The following SLC19A1 variants were observed in gnomAD, a reference collection of about 807,000 sequenced individuals.
SLC19A1 encodes solute carrier family 19 member 1.
Under a neutral mutation model 35.3 loss-of-function variants are expected in SLC19A1, and 37 were observed. The ratio of observed to expected loss-of-function variants is 1.05; its 90% CI spans 0.81 to 1.38. SLC19A1 has a LOEUF of 1.38. Ranked by LOEUF, SLC19A1 falls within the 40% of genes most tolerant of loss-of-function variation. The pLI is 0.00. For missense variants in SLC19A1, 831 were observed against 826.9 expected, an observed-to-expected ratio of 1.00 and a Z score of -0.06; for synonymous variants, 460 against 398.5, an observed-to-expected ratio of 1.15 and a Z score of -1.84.
chr21:45,504,412 A>G (rs756833399), intron 3 of SLC19A1: 1 of 1,610,992 alleles, frequency 6.2e-7, no homozygotes, highest in Non-Finnish European at 8.5e-7. Flanking sequence ...GTTTCCGTCC[A>G]CAGGGGGAGA....
At chr21:45,536,808 A>G (rs2078127746) in intron 2 of SLC19A1, among the ~76,000 whole-genome samples, 1 of 152,116 alleles carries the variant, frequency 6.6e-6, no homozygotes, top group Admixed American at 6.5e-5. Flanking sequence ...GAGCAGGCCC[A>G]GGGCCCTGGG....
At chr21:45,545,937 C>G (rs2078410250), upstream of SLC19A1, among the ~76,000 whole-genome samples, 1 of 152,232 alleles carries the variant, frequency 6.6e-6, no homozygotes, top group Admixed American at 6.5e-5. Flanking sequence ...CAGTGGGTCT[C>G]TGCTGCAGCT....
At chr21:45,505,940 G>T in intron 3 of SLC19A1, 2 of 1,613,250 alleles carry the variant, frequency 1.2e-6, no homozygotes, top group Non-Finnish European at 1.7e-6. Flanking sequence ...CTACGTCCGC[G>T]TGCAGAACGG....
intron 1 of SLC19A1, among the ~76,000 whole-genome samples, chr21:45,538,928 A>G (rs2078219996): frequency 6.6e-6 from 1 of 152,162 alleles, no homozygotes; most frequent in East Asian, 1.9e-4. Context: ...CAGCAGCAGC[A>G]CGAAGCACAC....
intron 1 of SLC19A1, among the ~76,000 whole-genome samples, chr21:45,553,629 C>CA (rs1189399153): frequency 2.1e-5 from 2 of 96,730 alleles, no homozygotes; most frequent in East Asian, 2.6e-4. Context: ...CCCAATCCCC[C>CA]CGCGCCCCCC....
chr21:45,521,763 G>A (rs1303585846), intron 5 of SLC19A1, among the ~76,000 whole-genome samples: 1 of 152,146 alleles, frequency 6.6e-6, no homozygotes, highest in East Asian at 1.9e-4. Flanking sequence ...AATGGGGAGA[G>A]CTAAGTCTTT....
chr21:45,509,399 A>C, downstream of SLC19A1: 1 of 1,543,524 alleles, frequency 6.5e-7, no homozygotes, highest in African/African-American at 1.4e-5. Context: ...GTGCAGCTGC[A>C]CGACAGCAAC....
At chr21:45,523,053 A>G (rs983602155) in intron 5 of SLC19A1, among the ~76,000 whole-genome samples, 8 of 132,686 alleles carry the variant, frequency 6.0e-5, no homozygotes, top group African/African-American at 2.3e-4. Flanking sequence ...ATAAAGCTTA[A>G]TTTAAAAAGC....
chr21:45,555,604 G>A (rs1404629216), intron 1 of SLC19A1, among the ~76,000 whole-genome samples: 1 of 142,738 alleles, frequency 7.0e-6, no homozygotes, highest in East Asian at 2.3e-4. Context: ...GGGGCTGCAG[G>A]CCAACCCACC....
chr21:45,553,616 AC>A (rs1201759174), intron 1 of SLC19A1, among the ~76,000 whole-genome samples: 2 of 104,538 alleles, frequency 1.9e-5, no homozygotes, highest in African/African-American at 7.4e-5. Flanking sequence ...AGACACACTC[AC>A]CCCCAATCCC....
In SLC19A1 at chr21:45,531,547, C is replaced by T. The variant is rs776636969; in HGVS notation, c.791G>A (p.Arg264Gln). The T allele has an allele frequency of 4.8e-5, 77 of 1,612,336 alleles. No homozygotes were observed. Among genetic ancestry groups the T allele is most frequent in the Non-Finnish European group, 6.4e-5 (76 of 1,179,700 alleles). ...GAGGGACCACAGGCGCAGCTGCGGC[C>T]GCCGCAGGCTGTCCCCCAGCTCCCG... ...MLRELGDSLR[R>Q]PQLRLWSLWW... The change falls in exon 3 of 6, where the codon CGG (arginine) becomes CAG (glutamine). Residue 264 changes from arginine (R) to glutamine (Q), a missense_variant. Physicochemically the swap from Arg to Gln is conservative, Grantham distance 43. Transcript: ENST00000311124.
chr21:45,509,765 T>G (rs1285452025), downstream of SLC19A1, among the ~76,000 whole-genome samples: 1 of 152,186 alleles, frequency 6.6e-6, no homozygotes, highest in Non-Finnish European at 1.5e-5. Flanking sequence ...GCCCTGGGAC[T>G]TGCCCTCTGG....
intron 1 of SLC19A1, among the ~76,000 whole-genome samples, chr21:45,551,253 GA>G (rs1412983069): frequency 1.3e-5 from 2 of 150,858 alleles, no homozygotes; most frequent in African/African-American, 4.9e-5. Context: ...CATCTCAAAG[GA>G]AAAAAACAAA....
intron 3 of SLC19A1, among the ~76,000 whole-genome samples, chr21:45,503,641 TGGGGGGA>T (rs1214835612): frequency 1.8e-4 from 10 of 54,876 alleles, no homozygotes; most frequent in African/African-American, 2.9e-4. Flanking sequence ...TGTTGTGGGG[TGGGGGGA>T]GGGGGGAGGG....
Position 45,514,765 on chromosome 21 carries a change from G to A in SLC19A1, c.*893C>T. The A allele has an allele frequency of 2.0e-6, 1 of 500,300 alleles. No homozygotes were observed. Among genetic ancestry groups the A allele is most frequent in the Non-Finnish European group, 3.5e-6 (1 of 287,620 alleles). 31.0% of individuals were successfully genotyped at this position (500,300 alleles called of 1,614,324 possible). A position where few individuals can be genotyped will look rare whatever the true frequency, so the allele number is the denominator to read the frequency against. Reference sequence around the variant, plus strand: ...TGGGAAGAGTATTCACATCACATCAGATGGTCCCGCACCTGTGGGCAAGGC... The same window carrying A: ...TGGGAAGAGTATTCACATCACATCAAATGGTCCCGCACCTGTGGGCAAGGC... On this transcript the variant is annotated 3_prime_UTR_variant, in exon 6 of 6. Coordinates refer to ENST00000311124, the MANE Select transcript of SLC19A1 (RefSeq NM_194255.4).
Position 45,505,882 on chromosome 21 carries a change from C to T in SLC19A1, c.498-7270G>A, listed in dbSNP as rs2037173902. 6.2e-6 allele frequency: 10 copies of T among 1,611,042 alleles called. No homozygotes were observed. Among genetic ancestry groups the T allele is most frequent in the African/African-American group, 4.0e-5 (3 of 75,042 alleles). ...GCCAGGCCATGCTGGGCCAGGTGCA[C>T]GAGGTTCCCGAGGGCTGGCTCATCT... On this transcript the variant is annotated intron_variant, in intron 3 of 4. Transcript: ENST00000417954.
intron 5 of SLC19A1, 43 bp from the exon 6 acceptor site, chr21:45,516,183 T>G (rs776808121): frequency 1.1e-5 from 17 of 1,493,934 alleles, no homozygotes; most frequent in Middle Eastern, 1.7e-4. Flanking sequence ...AGGGCCTGGC[T>G]GGGACACTGG....
intron 4 of SLC19A1, among the ~76,000 whole-genome samples, chr21:45,526,246 GT>G (rs998354389): frequency 6.6e-6 from 1 of 152,244 alleles, no homozygotes; most frequent in African/African-American, 2.4e-5. Flanking sequence ...GGGGCCAGTA[GT>G]TTTGGATTTG....
chr21:45,506,082 G>C, intron 3 of SLC19A1: 3 of 1,515,368 alleles, frequency 2.0e-6, no homozygotes, highest in Non-Finnish European at 2.7e-6. Flanking sequence ...GTGGCAGCCA[G>C]CGCTTCTTAA....
Sources: allele counts gnomAD v4.1 joint callset (sites outside exome capture counted in the v4.1 genomes callset), GRCh38; gene constraint gnomAD v4.1.1; transcripts MANE v1.5; gene names NCBI Gene and HGNC (gene_info 2026-07-23, HGNC 2026-07-21).